The following RIMBP2 variants were observed in gnomAD, a reference collection of about 807,000 sequenced individuals.
RIMBP2 encodes RIMS-binding protein 2.
A neutral mutation model predicts 118.6 loss-of-function variants in RIMBP2; 48 were observed. That is an observed-to-expected ratio of 0.40 (90% confidence interval 0.32 to 0.51). The LOEUF is 0.51. Among genes scored for constraint, RIMBP2 ranks in the 20% least tolerant of loss-of-function variants. The probability of loss-of-function intolerance (pLI) is 0.41; values close to 1 mark genes in which losing one functional copy is unlikely to be tolerated. For synonymous variants in RIMBP2, 762 were observed against 742.9 expected (o/e 1.03, Z -0.42); for missense variants, 1,551 against 1,768.3 (o/e 0.88, Z 2.20).
At chr12:130,610,630 G>A (rs963622381) in intron 2 of RIMBP2, among the ~76,000 whole-genome samples, 9 of 128,110 alleles carry the variant, frequency 7.0e-5, no homozygotes, top group African/African-American at 2.0e-4. Flanking sequence ...GCGCGATCTC[G>A]GCTCACTGCA....
At chr12:130,480,093 C>T (rs536727769) in intron 4 of RIMBP2, among the ~76,000 whole-genome samples, 1 of 152,046 alleles carries the variant, frequency 6.6e-6, no homozygotes, top group East Asian at 1.9e-4. Context: ...TGGGTAGTCA[C>T]ACTGGGAACA....
chr12:130,420,218 T>C lies in RIMBP2; in HGVS notation c.3238+2235A>G, dbSNP rs2076332161. Among the ~76,000 whole-genome samples the C allele has an allele frequency of 6.6e-6, 1 of 152,244 alleles. No homozygotes were observed. The highest frequency in any genetic ancestry group is 1.5e-5 in the Non-Finnish European group (1 of 68,050). On this transcript the variant is annotated intron_variant, in intron 17 of 22. Coordinates refer to ENST00000690449, the MANE Select transcript of RIMBP2 (RefSeq NM_001393629.1). This position sits in a 1 kb window ranked among gnomAD's most constrained non-coding sequence, Gnocchi z 4.3. ...GTGGGTGATAAGCACCCTCCGCTTC[T>C]GTTTCCTTTTGAAACCATAATAGGT...
At chr12:130,418,356 A>C (rs1414445222) in intron 17 of RIMBP2, among the ~76,000 whole-genome samples, 1 of 152,208 alleles carries the variant, frequency 6.6e-6, no homozygotes, top group Non-Finnish European at 1.5e-5. Flanking sequence ...TTCAAGTGGT[A>C]TCTGAGTTCA....
chr12:130,464,177 C>G (rs1285803189), intron 6 of RIMBP2, among the ~76,000 whole-genome samples: 3 of 152,198 alleles, frequency 2.0e-5, no homozygotes, highest in Non-Finnish European at 4.4e-5. Context: ...TATGGAGTGG[C>G]CATCCATTCG....
In RIMBP2 at chr12:130,469,470, A is replaced by T. The variant is rs989453954; in HGVS notation, c.153+1223T>A. On this transcript the variant is annotated intron_variant, in intron 6 of 22. Transcript: ENST00000690449. The surrounding 1 kb of genome is among the most constrained non-coding windows in gnomAD (Gnocchi z 4.8). Reference sequence around the variant, plus strand: ...CGATGCAAATTAAAGTGCGGTGGATAACTCAGGCCAGGGAAAGTGAATTAT... The same window carrying T: ...CGATGCAAATTAAAGTGCGGTGGATTACTCAGGCCAGGGAAAGTGAATTAT... 2.2e-4 allele frequency among the ~76,000 whole-genome samples: 33 copies of T among 152,156 alleles called. No individual in the cohort carries two copies. Among genetic ancestry groups the T allele is most frequent in the Non-Finnish European group, 5.9e-5 (4 of 68,022 alleles).
chr12:130,587,986 C>T (rs557163176), intron 2 of RIMBP2, among the ~76,000 whole-genome samples: 141 of 152,206 alleles, frequency 9.3e-4, no homozygotes, highest in Middle Eastern at 3.4e-3. Flanking sequence ...CACAGTCCTG[C>T]CAGCACCCCT....
chr12:130,648,986 G>T (rs2063108614), intron 1 of RIMBP2, among the ~76,000 whole-genome samples: 1 of 145,540 alleles, frequency 6.9e-6, no homozygotes, highest in Admixed American at 6.9e-5. Flanking sequence ...AGCACCACGG[G>T]TTAAATACTG....
chr12:130,689,999 G>A (rs762799961), intron 1 of RIMBP2, among the ~76,000 whole-genome samples: 7 of 152,132 alleles, frequency 4.6e-5, no homozygotes, highest in African/African-American at 9.7e-5. Flanking sequence ...GGAGTTAAGC[G>A]CCTCGCAATT....
At chr12:130,638,964 T>C (rs1417415974) in intron 1 of RIMBP2, among the ~76,000 whole-genome samples, 1 of 152,088 alleles carries the variant, frequency 6.6e-6, no homozygotes, top group African/African-American at 2.4e-5. Flanking sequence ...ACAATATCAA[T>C]ATTGGATCAT....
intron 1 of RIMBP2, among the ~76,000 whole-genome samples, chr12:130,663,390 G>A: frequency 6.7e-6 from 1 of 148,196 alleles, no homozygotes; most frequent in South Asian, 2.1e-4. Flanking sequence ...GAATAAAATA[G>A]TGATTTCAAC....
intron 2 of RIMBP2, among the ~76,000 whole-genome samples, chr12:130,570,236 C>A (rs2057526625): frequency 6.6e-6 from 1 of 152,024 alleles, no homozygotes; most frequent in African/African-American, 2.4e-5. Flanking sequence ...TGAGCCTGCG[C>A]AACATGGTAA....
intron 6 of RIMBP2, among the ~76,000 whole-genome samples, chr12:130,461,099 C>T (rs979301599): frequency 6.6e-6 from 1 of 152,180 alleles, no homozygotes; most frequent in Non-Finnish European, 1.5e-5. Context: ...AGGCTCCACC[C>T]GTGACACTAG....
At chr12:130,609,896 C>G (rs1338973572) in intron 2 of RIMBP2, among the ~76,000 whole-genome samples, 8 of 152,126 alleles carry the variant, frequency 5.3e-5, no homozygotes, top group African/African-American at 1.9e-4. Context: ...AAATTCACCT[C>G]TCCCCTGCCT....
intron 1 of RIMBP2, among the ~76,000 whole-genome samples, chr12:130,712,017 G>A (rs556071382): frequency 6.6e-6 from 1 of 152,228 alleles, no homozygotes; most frequent in Non-Finnish European, 1.5e-5. Flanking sequence ...AAGAGAGGCA[G>A]CGGAAGTAAG....
intron 1 of RIMBP2, among the ~76,000 whole-genome samples, chr12:130,711,864 G>A (rs895706028): frequency 1.3e-5 from 2 of 152,182 alleles, no homozygotes; most frequent in Admixed American, 6.5e-5. Context: ...CTGCACACAC[G>A]CCCGGGCCGC....
At chr12:130,453,285 C>T (rs940938180) in intron 7 of RIMBP2, among the ~76,000 whole-genome samples, 3 of 152,222 alleles carry the variant, frequency 2.0e-5, no homozygotes, top group Non-Finnish European at 4.4e-5. Context: ...CCATACAGGG[C>T]GCGAGTCCCT....
intron 2 of RIMBP2, among the ~76,000 whole-genome samples, chr12:130,532,292 T>G (rs2053504010): frequency 6.9e-6 from 1 of 145,234 alleles, no homozygotes; most frequent in Non-Finnish European, 1.5e-5. Context: ...CTCTAGGAGG[T>G]ACATCTAATG....
At chr12:130,501,421 G>C (rs554072012) in intron 4 of RIMBP2, among the ~76,000 whole-genome samples, 1 of 152,286 alleles carries the variant, frequency 6.6e-6, no homozygotes, top group African/African-American at 2.4e-5. Flanking sequence ...ATCTGAGGTA[G>C]GAGGGTAAGA....
At chr12:130,399,160 T>A (rs1368530418) in intron 22 of RIMBP2, 2 of 1,389,872 alleles carry the variant, frequency 1.4e-6, no homozygotes, top group Non-Finnish European at 1.9e-6. Flanking sequence ...AACACTCTTC[T>A]TCTGTTTCCA....
Sources: gnomAD v4.1 joint callset for allele counts (sites outside exome capture counted in the v4.1 genomes callset) on GRCh38, gnomAD v4.1.1 for gene constraint, Gnocchi (gnomAD v3.1) non-coding constraint, MANE v1.5 for transcripts, NCBI Gene and HGNC (gene_info 2026-07-23, HGNC 2026-07-21) for gene names.